The following RNF214 variants were observed in gnomAD, a reference collection of about 807,000 sequenced individuals.
RNF214 encodes ring finger protein 214.
In RNF214, 25 loss-of-function variants were observed where a neutral mutation model predicts 75.9. That is an observed-to-expected ratio of 0.33 (90% confidence interval 0.24 to 0.46). RNF214 has a LOEUF of 0.46. RNF214 is among the 20% of genes least tolerant of loss of function. RNF214 has a pLI of 1.00. For synonymous variants in RNF214, 314 were observed against 308.8 expected, an observed-to-expected ratio of 1.02 and a Z score of -0.18; for missense variants, 725 against 857.5, an observed-to-expected ratio of 0.85 and a Z score of 1.93.
intron 6 of RNF214, among the ~76,000 whole-genome samples, chr11:117,274,675 CTTT>C (rs397937528): frequency 3.1e-5 from 4 of 128,800 alleles, no homozygotes; most frequent in African/African-American, 5.8e-5. Flanking sequence ...AGCCATGGCT[CTTT>C]TTTTTTTTTT....
chr11:117,234,218 T>C (rs1339502294), intron 1 of RNF214, 49 bp from the exon 2 acceptor site: 26 of 1,387,592 alleles, frequency 1.9e-5, no homozygotes, highest in Non-Finnish European at 2.3e-5. Flanking sequence ...GATACATTTG[T>C]TTTAAACTTT....
At chr11:117,233,900 A>G (rs567011974) in intron 1 of RNF214, among the ~76,000 whole-genome samples, 3 of 152,336 alleles carry the variant, frequency 2.0e-5, no homozygotes, top group African/African-American at 7.2e-5. Context: ...TACTAGGCCG[A>G]AAAGTACGTC....
intron 6 of RNF214, among the ~76,000 whole-genome samples, chr11:117,247,242 C>A (rs182614281): frequency 2.0e-5 from 3 of 152,274 alleles, no homozygotes; most frequent in South Asian, 2.1e-4. Flanking sequence ...ATAATCCCAG[C>A]GCTTTGGGAC....
intron 6 of RNF214, among the ~76,000 whole-genome samples, chr11:117,266,962 C>G (rs1297237539): frequency 7.6e-6 from 1 of 132,258 alleles, no homozygotes; most frequent in Non-Finnish European, 1.6e-5. Flanking sequence ...TCAAGCAATT[C>G]TCCTGCCTCA....
intron 6 of RNF214, among the ~76,000 whole-genome samples, chr11:117,266,442 C>G (rs2033798047): frequency 6.6e-6 from 1 of 152,238 alleles, no homozygotes; most frequent in South Asian, 2.1e-4. Context: ...TCACTGCAAC[C>G]TCTGCCTTCC....
intron 6 of RNF214, among the ~76,000 whole-genome samples, chr11:117,261,656 G>A (rs775549900): frequency 2.0e-5 from 3 of 151,940 alleles, no homozygotes; most frequent in Non-Finnish European, 4.4e-5. Context: ...ATTAATTTTT[G>A]TGTGAGTGTG....
intron 14 of RNF214, among the ~76,000 whole-genome samples, chr11:117,283,773 C>G (rs1235988479): frequency 6.6e-6 from 1 of 152,034 alleles, no homozygotes; most frequent in African/African-American, 2.4e-5. Flanking sequence ...GTGCTTCAGT[C>G]TCTTGAGTAG....
intron 6 of RNF214, among the ~76,000 whole-genome samples, chr11:117,273,559 CA>C (rs1216616363): frequency 6.6e-6 from 1 of 152,066 alleles, no homozygotes; most frequent in African/African-American, 2.4e-5. Flanking sequence ...GTTATACAAC[CA>C]ACAAGTTTAT....
At chr11:117,275,796 A>G (rs188055440) in intron 6 of RNF214, among the ~76,000 whole-genome samples, 20 of 152,334 alleles carry the variant, frequency 1.3e-4, no homozygotes, top group Non-Finnish European at 1.5e-5. Flanking sequence ...TTCACAGCCA[A>G]ATTCTACCAG....
At chr11:117,261,734 C>T (rs1158126425) in intron 6 of RNF214, among the ~76,000 whole-genome samples, 2 of 152,044 alleles carry the variant, frequency 1.3e-5, no homozygotes, top group African/African-American at 4.8e-5. Flanking sequence ...CAGCCTCCGC[C>T]TCCTGGGTTC....
intron 6 of RNF214, among the ~76,000 whole-genome samples, chr11:117,256,844 A>G (rs2033537710): frequency 6.6e-6 from 1 of 152,198 alleles, no homozygotes; most frequent in South Asian, 2.1e-4. Context: ...GAGACTTGCT[A>G]CTACAGCAAG....
intron 6 of RNF214, among the ~76,000 whole-genome samples, chr11:117,263,310 T>G (rs2033715906): frequency 2.8e-5 from 2 of 71,322 alleles, no homozygotes. Context: ...AGATGGAGTC[T>G]CGCTGTGTTG....
intron 6 of RNF214, among the ~76,000 whole-genome samples, chr11:117,278,313 C>T (rs756583771): frequency 7.2e-5 from 11 of 152,070 alleles, no homozygotes; most frequent in Non-Finnish European, 1.5e-4. Flanking sequence ...CAAAACAAAA[C>T]AAAACATGTA....
chr11:117,280,291 G>C (rs1197287070), intron 8 of RNF214, 32 bp downstream of exon 8: 1 of 1,435,934 alleles, frequency 7.0e-7, no homozygotes, highest in African/African-American at 1.4e-5. Context: ...AGCTTTAATT[G>C]TTTTGCAGTT....
intron 6 of RNF214, among the ~76,000 whole-genome samples, chr11:117,259,882 A>G (rs571872297): frequency 2.6e-4 from 39 of 152,164 alleles, no homozygotes; most frequent in Non-Finnish European, 4.6e-4. Flanking sequence ...ATGACTGTTT[A>G]CTTTTTAATT....
At chr11:117,255,096 C>T (rs1591826936) in intron 6 of RNF214, among the ~76,000 whole-genome samples, 1 of 152,286 alleles carries the variant, frequency 6.6e-6, no homozygotes, top group East Asian at 1.9e-4. Context: ...TTGAACTCCT[C>T]TTCCTCAGAG....
At chr11:117,273,592 A>T (rs768202578) in intron 6 of RNF214, among the ~76,000 whole-genome samples, 1 of 152,192 alleles carries the variant, frequency 6.6e-6, no homozygotes, top group Admixed American at 6.5e-5. Flanking sequence ...GCAGTAGTAG[A>T]TCAGTTACAT....
chr11:117,234,379 G>A lies in RNF214; in HGVS notation c.107G>A (p.Ser36Asn). 6.3e-7 allele frequency: 1 copy of A among 1,596,696 alleles called. No homozygotes were observed. The highest frequency in any genetic ancestry group is 8.6e-7 in the Non-Finnish European group (1 of 1,164,106). Residue 36 changes from serine to asparagine, a missense_variant and splice_region_variant, in exon 2 of 15, where the codon AGC (serine) becomes AAC (asparagine). Physicochemically the swap from Ser to Asn is conservative, Grantham distance 46. Coordinates refer to ENST00000300650, the MANE Select transcript of RNF214 (RefSeq NM_207343.4). ...GACGAAGGTCTCCCAGATGGTCTAA[G>A]GTAATGTGTGGACTCCTGACTGGGA... is the stretch of plus-strand genomic sequence containing the variant. ...KSDEGLPDGLSTKDSAQKQKN... is the reference protein window; with the variant it reads ...KSDEGLPDGLNTKDSAQKQKN...
At chr11:117,278,089 G>T (rs1028610884) in intron 6 of RNF214, among the ~76,000 whole-genome samples, 4 of 152,106 alleles carry the variant, frequency 2.6e-5, no homozygotes, top group Non-Finnish European at 5.9e-5. Flanking sequence ...TGGATCACGA[G>T]GTCAGGAGAT....
Sources: gnomAD v4.1 joint callset for allele counts (sites outside exome capture counted in the v4.1 genomes callset) on GRCh38, gnomAD v4.1.1 for gene constraint, MANE v1.5 for transcripts, NCBI Gene and HGNC (gene_info 2026-07-23, HGNC 2026-07-21) for gene names.